HS6ST2: variants seen among roughly 807,000 people sequenced by gnomAD.
The protein encoded by HS6ST2 is heparan sulfate 6-O-sulfotransferase 2, also known as heparan-sulfate 6-O-sulfotransferase 2.
Under a neutral mutation model 33.0 loss-of-function variants are expected in HS6ST2, and 17 were observed. The ratio of observed to expected loss-of-function variants is 0.52; its 90% CI spans 0.35 to 0.77. The LOEUF is 0.77. Among genes scored for constraint, HS6ST2 ranks in the 30% least tolerant of loss-of-function variants. The probability of loss-of-function intolerance (pLI) is 0.01; values close to 1 mark genes in which losing one functional copy is unlikely to be tolerated. For missense variants in HS6ST2, 519 were observed against 551.7 expected, an observed-to-expected ratio of 0.94 and a Z score of 0.59; for synonymous variants, 248 against 237.1, an observed-to-expected ratio of 1.05 and a Z score of -0.42.
chrX:132,868,334 G>A (rs969976489), intron 2 of HS6ST2, among the ~76,000 whole-genome samples: 1 of 111,792 alleles, frequency 8.9e-6, no homozygotes, highest in Non-Finnish European at 1.9e-5. Context: ...CAATAATAGT[G>A]GGAGACTTTA....
chrX:132,760,341 G>A (rs1056784533), intron 2 of HS6ST2, among the ~76,000 whole-genome samples: 3 of 110,546 alleles, frequency 2.7e-5, no homozygotes, highest in Admixed American at 9.6e-5. Flanking sequence ...TCATGGAGGC[G>A]GTTACCCCCA....
intron 2 of HS6ST2, among the ~76,000 whole-genome samples, chrX:132,928,806 T>A (rs1460346756): frequency 1.8e-5 from 2 of 111,293 alleles, no homozygotes; most frequent in African/African-American, 3.3e-5. Context: ...CTAACACAGA[T>A]CCTGGCACAC....
At chrX:132,959,923 G>T (rs754888224), upstream of HS6ST2, among the ~76,000 whole-genome samples, 469 of 112,131 alleles carry the variant, frequency 4.2e-3, 1 homozygote, top group Middle Eastern at 9.3e-3. Flanking sequence ...TGTGCACCCT[G>T]TCTTTACCAC....
At chrX:132,695,600 T>C (rs1305213141) in intron 3 of HS6ST2, among the ~76,000 whole-genome samples, 1 of 111,659 alleles carries the variant, frequency 9.0e-6, no homozygotes, top group Non-Finnish European at 1.9e-5. Flanking sequence ...CACACTATAT[T>C]ACATCTTGCA....
chrX:132,708,821 A>G (rs897449317), intron 2 of HS6ST2, among the ~76,000 whole-genome samples: 2 of 111,990 alleles, frequency 1.8e-5, no homozygotes, highest in Admixed American at 9.5e-5. Flanking sequence ...AGGTAAAAAA[A>G]CAAAAGCCAA....
At chrX:132,869,672 A>T (rs1197376066) in intron 2 of HS6ST2, among the ~76,000 whole-genome samples, 1 of 112,048 alleles carries the variant, frequency 8.9e-6, no homozygotes, top group African/African-American at 3.2e-5. Context: ...AAACCACATG[A>T]TTATCTCAAT....
chrX:132,960,415 A>G (rs566796014), upstream of HS6ST2, among the ~76,000 whole-genome samples: 4 of 111,073 alleles, frequency 3.6e-5, no homozygotes, highest in South Asian at 1.6e-3. Context: ...AATGGCATTC[A>G]TTGGGTCCCT....
intron 2 of HS6ST2, among the ~76,000 whole-genome samples, chrX:132,883,948 C>T (rs1331959911): frequency 8.9e-6 from 1 of 112,042 alleles, no homozygotes; most frequent in Non-Finnish European, 1.9e-5. Context: ...TCCTCTTTCT[C>T]TTGATGTTAA....
intron 2 of HS6ST2, among the ~76,000 whole-genome samples, chrX:132,753,963 G>A (rs745700819): frequency 8.9e-6 from 1 of 112,216 alleles, no homozygotes; most frequent in South Asian, 3.7e-4. Context: ...TGATTAATAA[G>A]GTACCTTTGT....
chrX:132,761,239 A>G (rs961847036), intron 2 of HS6ST2, among the ~76,000 whole-genome samples: 2 of 111,953 alleles, frequency 1.8e-5, no homozygotes, highest in Non-Finnish European at 3.8e-5. Flanking sequence ...AGCCCTCTAC[A>G]GGCAAAGTAC....
At chrX:132,706,609 A>G (rs1602595191) in intron 3 of HS6ST2, among the ~76,000 whole-genome samples, 1 of 112,193 alleles carries the variant, frequency 8.9e-6, no homozygotes, top group East Asian at 2.8e-4. Context: ...TAGCAATAAT[A>G]CTAGGCATTT....
At chrX:132,637,954 A>AT (rs1458942293) in intron 4 of HS6ST2, among the ~76,000 whole-genome samples, 9 of 69,911 alleles carry the variant, frequency 1.3e-4, no homozygotes, top group African/African-American at 4.9e-4. Flanking sequence ...TATATATAAT[A>AT]TATATAAAAT....
intron 3 of HS6ST2, among the ~76,000 whole-genome samples, chrX:132,680,441 G>C (rs764263047): frequency 9.0e-5 from 10 of 111,404 alleles, no homozygotes; most frequent in Non-Finnish European, 1.7e-4. Context: ...TTGGATAGAC[G>C]GATGCAGAAC....
At chrX:132,824,780 G>T (rs1329051331) in intron 2 of HS6ST2, among the ~76,000 whole-genome samples, 1 of 112,341 alleles carries the variant, frequency 8.9e-6, no homozygotes, top group Non-Finnish European at 1.9e-5. Flanking sequence ...AAGATTTACT[G>T]CATTAAAAAG....
At chrX:132,900,468 C>A (rs1157459378) in intron 2 of HS6ST2, among the ~76,000 whole-genome samples, 2 of 111,040 alleles carry the variant, frequency 1.8e-5, no homozygotes, top group Non-Finnish European at 3.8e-5. Context: ...ATAATCCTAG[C>A]ACTTTTGGAG....
chrX:132,669,945 T>C (rs777720182), intron 3 of HS6ST2: 2 of 112,610 alleles, frequency 1.8e-5, no homozygotes, highest in Non-Finnish European at 1.9e-5. Context: ...TTCTATTTCC[T>C]TTATCAAACT....
Position 132,654,409 on chromosome X carries a change from T to C in HS6ST2, c.1067+14704A>G, listed in dbSNP as rs2063716452. On this transcript the variant is annotated intron_variant, in intron 4 of 4. Coordinates refer to ENST00000370833, the MANE Select transcript of HS6ST2 (RefSeq NM_001394073.1). ...GACAAGCAGTAGGTTCAAATAGAAG[T>C]GCCTGTAGGGTAAGTGTACCCCAGA... Among the ~76,000 whole-genome samples the C allele has an allele frequency of 2.7e-5, 3 of 111,300 alleles. No individual in the cohort carries two copies. In the South Asian group the frequency reaches 1.2e-3, roughly 43 times the overall value.
intron 2 of HS6ST2, among the ~76,000 whole-genome samples, chrX:132,806,581 C>G (rs1372767388): frequency 2.7e-5 from 3 of 110,133 alleles, no homozygotes; most frequent in Non-Finnish European, 5.8e-5. Flanking sequence ...CTATCACAAC[C>G]ACTCAACTCT....
intron 2 of HS6ST2, among the ~76,000 whole-genome samples, chrX:132,794,574 G>GATGATGATTATTATTATTATT (rs916088563): frequency 4.9e-4 from 49 of 99,068 alleles, no homozygotes; most frequent in East Asian, 3.9e-3. Context: ...TGATGATGAT[G>GATGATGATTATTATTATTATT]ATTATTATTA....
Sources: gnomAD v4.1 joint callset for allele counts (sites outside exome capture counted in the v4.1 genomes callset) on GRCh38, gnomAD v4.1.1 for gene constraint, MANE v1.5 for transcripts, NCBI Gene and HGNC (gene_info 2026-07-23, HGNC 2026-07-21) for gene names.